The following F5 variants were observed in gnomAD, a reference collection of about 807,000 sequenced individuals.
F5 encodes the protein activated protein c cofactor.
F5 carries 138 observed loss-of-function variants against 216.4 expected under a neutral mutation model. That is an observed-to-expected ratio of 0.64 (90% CI 0.56 to 0.73). F5 has a LOEUF of 0.73. Among genes scored for constraint, F5 ranks in the 30% least tolerant of loss-of-function variants. The pLI is 0.00. For missense variants in F5, 2,403 were observed against 2,674.0 expected (o/e 0.90, Z 2.24); for synonymous variants, 916 against 930.7 (o/e 0.98, Z 0.29).
chr1:169,552,432 TA>T (rs1262853356), intron 8 of F5, 124 bp downstream of exon 8: 6 of 802,236 alleles, frequency 7.5e-6, no homozygotes, highest in African/African-American at 7.0e-5. Context: ...AAATAAAAAC[TA>T]AAAGTTGCAT....
rs11363133 is a variant in F5 at position 169,546,966 on chromosome 1, TAAA to T, written c.1612-377_1612-375del. Among the ~76,000 whole-genome samples the T allele has an allele frequency of 3.7e-3, 479 of 129,900 alleles. 2 individuals are homozygous for T. Among genetic ancestry groups the T allele is most frequent in the African/African-American group, 0.012 (421 of 34,394 alleles). 85.2% of individuals were successfully genotyped at this position (129,900 alleles called of 152,430 possible). ...TCAACATGGCAAAACCCGTCTCTAC[TAAA>T]AAAAAAAAAAAAAAGAAAAGAAAAG... On this transcript the variant is annotated intron_variant, in intron 10 of 24. Transcript: ENST00000367797.
chr1:169,559,794 G>A (rs933489180), intron 4 of F5, among the ~76,000 whole-genome samples: 14 of 152,076 alleles, frequency 9.2e-5, no homozygotes, highest in African/African-American at 2.7e-4. Context: ...TAAGTTTTAA[G>A]GTTTTTTTCA....
intron 5 of F5, among the ~76,000 whole-genome samples, chr1:169,557,146 A>G (rs1237155457): frequency 2.0e-5 from 3 of 152,210 alleles, no homozygotes; most frequent in African/African-American, 7.2e-5. Flanking sequence ...AGGGATTGCT[A>G]AAGGATTAGG....
rs930607647 is a variant in F5, at chr1:169,550,622, G to A, written c.1396+18C>T. 4 of 1,587,724 alleles carry A rather than the reference G, an allele frequency of 2.5e-6. No homozygotes were observed. In the East Asian group the frequency reaches 8.9e-5, roughly 36 times the overall value. The stretch of plus-strand genomic sequence containing the variant: ...CAGAAGTTACTAGTTGGATTCAGTA[G>A]AAGTGAAAGATTCAAACCTGAGGTG... On this transcript the variant is annotated intron_variant, in intron 9 of 24. Coordinates refer to ENST00000367797, the MANE Select transcript of F5 (RefSeq NM_000130.5).
intron 7 of F5, among the ~76,000 whole-genome samples, chr1:169,554,356 T>G (rs1263630712): frequency 6.6e-6 from 1 of 152,216 alleles, no homozygotes; most frequent in Admixed American, 6.5e-5. Flanking sequence ...TTGGAGAACT[T>G]TTTGTATTAG....
intron 2 of F5, among the ~76,000 whole-genome samples, chr1:169,576,466 G>T (rs905138174): frequency 2.6e-5 from 4 of 152,188 alleles, no homozygotes; most frequent in African/African-American, 9.7e-5. Flanking sequence ...AGCCTGGGAG[G>T]TAGGAATCGG....
At chr1:169,543,569 T>C (rs1659926667) in intron 12 of F5, among the ~76,000 whole-genome samples, 4 of 152,208 alleles carry the variant, frequency 2.6e-5, no homozygotes, top group Admixed American at 2.6e-4. Context: ...ATTAAAGGGA[T>C]GGTGATGAGC....
chr1:169,544,196 T>C (rs1659940661), intron 12 of F5, 100 bp downstream of exon 12: 1 of 933,520 alleles, frequency 1.1e-6, no homozygotes, highest in East Asian at 2.5e-5. Context: ...GTCAGGGAGA[T>C]ACATAGAGGA....
chr1:169,580,883 C>T (rs1660971405), intron 2 of F5, among the ~76,000 whole-genome samples: 2 of 152,034 alleles, frequency 1.3e-5, no homozygotes, highest in South Asian at 4.1e-4. Flanking sequence ...TACTGAGTGC[C>T]TATTATGTGT....
chr1:169,574,963 A>G (rs569872769), intron 2 of F5, among the ~76,000 whole-genome samples: 27 of 152,358 alleles, frequency 1.8e-4, no homozygotes, highest in African/African-American at 5.5e-4. Flanking sequence ...AGTTTATAAA[A>G]GTCAAACATT....
At chr1:169,553,434 C>G (rs1273662400) in intron 7 of F5, among the ~76,000 whole-genome samples, 1 of 152,176 alleles carries the variant, frequency 6.6e-6, no homozygotes, top group Non-Finnish European at 1.5e-5. Flanking sequence ...TGAGGCCGGG[C>G]GCGGTGGCTC....
intron 19 of F5, among the ~76,000 whole-genome samples, chr1:169,524,205 G>A (rs1251076212): frequency 6.6e-6 from 1 of 152,204 alleles, no homozygotes; most frequent in Non-Finnish European, 1.5e-5. Context: ...AGACATGGAA[G>A]GGTATATGGG....
chr1:169,515,649 T>G lies in F5; in HGVS notation c.6346-23A>C, dbSNP rs770349371. 5 of 1,609,768 alleles carry G rather than the reference T, an allele frequency of 3.1e-6. No homozygotes were observed. The Admixed American group carries it at 8.4e-5, about 27-fold the overall frequency. The stretch of plus-strand genomic sequence containing the variant: ...TGCCTATGAAAATGACAAAAACACA[T>G]AGATAAGGAAGATGTTAAAACCTTT... On this transcript the variant is annotated intron_variant, in intron 23 of 24. Coordinates refer to ENST00000367797, the MANE Select transcript of F5 (RefSeq NM_000130.5).
In F5 at chr1:169,586,437, G is replaced by A. The variant is rs896570413; in HGVS notation, c.-51C>T. 3 of 1,583,898 alleles carry A rather than the reference G, an allele frequency of 1.9e-6. No individual in the cohort carries two copies. Among genetic ancestry groups the A allele is most frequent in the Non-Finnish European group, 2.6e-6 (3 of 1,169,608 alleles). ...GCCACCACCCCAGGACCTGGGCAGC[G>A]CTTGCCGAGCTGCTAACCACACTCC... On this transcript the variant is annotated 5_prime_UTR_variant, in exon 1 of 25. Coordinates refer to ENST00000367797, the MANE Select transcript of F5 (RefSeq NM_000130.5).
chr1:169,544,586 G>GT, intron 11 of F5, 78 bp from the exon 12 acceptor site: 1 of 1,185,596 alleles, frequency 8.4e-7, no homozygotes, highest in Non-Finnish European at 1.2e-6. Context: ...TAAGATAAAT[G>GT]TCTCCATGTT....
Position 169,586,103 on chromosome 1 carries a change from AT to A in F5, c.158+125del, listed in dbSNP as rs557632050. 1.5e-4 allele frequency: 153 copies of A among 1,015,402 alleles called. 4 individuals carry two copies. The South Asian group carries it at 1.9e-3, about 13-fold the overall frequency. The allele number at this position is 1,015,402 out of a possible 1,614,324, so 62.9% of individuals were successfully genotyped here. A position where few individuals can be genotyped will look rare whatever the true frequency, so the allele number is the denominator to read the frequency against. ...TTTATTTAATTCAGTATACTCTCCTATTAGTTATATTTACTTACCTGAAGTT... is the reference window on the plus strand; with the variant it reads ...TTTATTTAATTCAGTATACTCTCCTATAGTTATATTTACTTACCTGAAGTT... On this transcript the variant is annotated intron_variant, in intron 1 of 24. Coordinates refer to ENST00000367797, the MANE Select transcript of F5 (RefSeq NM_000130.5).
chr1:169,518,409 G>T lies in F5; in HGVS notation c.6345+3C>A. 6.2e-7 allele frequency: 1 copy of T among 1,613,516 alleles called. No homozygotes were observed. Among genetic ancestry groups the T allele is most frequent in the Non-Finnish European group, 8.5e-7 (1 of 1,179,650 alleles). Reference sequence around the variant, plus strand: ...AGAACACCATGCATAGAGTATACTTGACCTTGGCTTGCCAGGCATTCACAC... The same window carrying T: ...AGAACACCATGCATAGAGTATACTTTACCTTGGCTTGCCAGGCATTCACAC... On this transcript the variant is annotated splice_donor_region_variant and intron_variant, in intron 23 of 24. Coordinates refer to ENST00000367797, the MANE Select transcript of F5 (RefSeq NM_000130.5).
intron 2 of F5, among the ~76,000 whole-genome samples, chr1:169,579,332 C>T (rs1660936746): frequency 6.6e-6 from 1 of 152,094 alleles, no homozygotes; most frequent in South Asian, 2.1e-4. Flanking sequence ...TTGGCTCATC[C>T]CTTGGACTTT....
chr1:169,564,282 C>T (rs1660549834), intron 3 of F5, among the ~76,000 whole-genome samples: 2 of 152,112 alleles, frequency 1.3e-5, no homozygotes, highest in South Asian at 4.1e-4. Context: ...CTTGACAAAA[C>T]CTCTCTGTAG....
Sources: gnomAD v4.1 joint callset for allele counts (sites outside exome capture counted in the v4.1 genomes callset) on GRCh38, gnomAD v4.1.1 for gene constraint, MANE v1.5 for transcripts, NCBI Gene and HGNC (gene_info 2026-07-23, HGNC 2026-07-21) for gene names.